PCDH15: variants seen among roughly 807,000 people sequenced by gnomAD.
PCDH15 encodes protocadherin related 15.
A neutral mutation model predicts 178.5 loss-of-function variants in PCDH15; 129 were observed. The ratio of observed to expected loss-of-function variants is 0.72; its 90% CI spans 0.63 to 0.84. The LOEUF (loss-of-function observed/expected upper bound fraction) is 0.84, where lower values mean the gene tolerates loss of function less well. Ranked by LOEUF, PCDH15 falls within the 40% of genes least tolerant of loss-of-function variation. The probability of loss-of-function intolerance (pLI) is 0.00; values close to 1 mark genes in which losing one functional copy is unlikely to be tolerated. For synonymous variants in PCDH15, 800 were observed against 732.0 expected, an observed-to-expected ratio of 1.09 and a Z score of -1.50; for missense variants, 2,230 against 2,099.9, an observed-to-expected ratio of 1.06 and a Z score of -1.21.
intron 2 of PCDH15, among the ~76,000 whole-genome samples, chr10:54,905,588 G>T (rs191322207): frequency 1.4e-4 from 21 of 152,220 alleles, no homozygotes; most frequent in African/African-American, 5.1e-4. Flanking sequence ...AACAAGATAA[G>T]AAATGCCAGT....
chr10:54,130,584 CT>C (rs1287449981), intron 15 of PCDH15, among the ~76,000 whole-genome samples: 1 of 151,994 alleles, frequency 6.6e-6, no homozygotes, highest in Non-Finnish European at 1.5e-5. Flanking sequence ...TCTCAAACAA[CT>C]TTTGGATACC....
intron 3 of PCDH15, among the ~76,000 whole-genome samples, chr10:54,519,318 G>C (rs1226169777): frequency 1.3e-5 from 2 of 152,096 alleles, no homozygotes; most frequent in Non-Finnish European, 2.9e-5. Flanking sequence ...AAACCCCATT[G>C]TCTCAGCCCA....
intron 26 of PCDH15, among the ~76,000 whole-genome samples, chr10:53,871,798 G>C (rs2079883179): frequency 6.6e-6 from 1 of 151,728 alleles, no homozygotes; most frequent in Non-Finnish European, 1.5e-5. Context: ...TTGTTGCCCA[G>C]GCTGGAGTGC....
intron 26 of PCDH15, among the ~76,000 whole-genome samples, chr10:53,869,778 T>TG (rs2079703305): frequency 6.6e-6 from 1 of 151,444 alleles, no homozygotes; most frequent in African/African-American, 2.4e-5. Context: ...TCTTATCTCT[T>TG]GAAAAAAAAA....
intron 2 of PCDH15, among the ~76,000 whole-genome samples, chr10:54,609,797 T>G (rs2092901473): frequency 6.6e-6 from 1 of 152,002 alleles, no homozygotes; most frequent in Non-Finnish European, 1.5e-5. Flanking sequence ...ACACTAAATA[T>G]CTATAGAAAG....
chr10:54,168,138 C>A (rs2046460142), intron 13 of PCDH15, among the ~76,000 whole-genome samples: 2 of 151,930 alleles, frequency 1.3e-5, no homozygotes, highest in Admixed American at 1.3e-4. Flanking sequence ...GCCGCTTGAC[C>A]CCAATACAAA....
intron 3 of PCDH15, among the ~76,000 whole-genome samples, chr10:54,840,677 C>T (rs1356111357): frequency 6.6e-6 from 1 of 151,608 alleles, no homozygotes; most frequent in Non-Finnish European, 1.5e-5. Flanking sequence ...CAATATGATA[C>T]ATACAACAGA....
At chr10:54,600,095 A>T (rs1182452949) in intron 2 of PCDH15, 26 of 1,022,732 alleles carry the variant, frequency 2.5e-5, no homozygotes, top group Non-Finnish European at 3.6e-5. Context: ...TAGAAGGTAG[A>T]GAAAAAGGAA....
chr10:54,479,766 G>T (rs550615944), intron 3 of PCDH15, among the ~76,000 whole-genome samples: 1 of 151,994 alleles, frequency 6.6e-6, no homozygotes, highest in East Asian at 1.9e-4. Flanking sequence ...AGAAAAAAAT[G>T]AGGGATTTGA....
chr10:55,172,458 A>T (rs1839361743), intron 1 of PCDH15, among the ~76,000 whole-genome samples: 1 of 123,138 alleles, frequency 8.1e-6, no homozygotes, highest in Non-Finnish European at 1.8e-5. Context: ...AACTAAAGTG[A>T]TTAATAAATG....
At position 54,374,295 on chromosome 10, in the gene PCDH15, C is replaced by A. The variant is rs577371659; in HGVS notation, c.318+4487G>T. 2.0e-5 allele frequency among the ~76,000 whole-genome samples: 3 copies of A among 152,154 alleles called. No homozygotes were observed. In the South Asian group the frequency reaches 6.2e-4, roughly 32 times the overall value. ...GGGCAGGGGAGTCAAGCCCCTTTTG[C>A]AGCTACCAAGTTAGAGTCTGAAAGA... On this transcript the variant is annotated intron_variant, in intron 4 of 37. Coordinates refer to ENST00000644397, the MANE Select transcript of PCDH15 (RefSeq NM_001384140.1).
intron 5 of PCDH15, among the ~76,000 whole-genome samples, chr10:54,355,763 TG>T (rs1403545217): frequency 1.3e-5 from 2 of 152,060 alleles, no homozygotes; most frequent in Admixed American, 6.6e-5. Flanking sequence ...AGAAAAAAAT[TG>T]GTTCTCAGCA....
At chr10:54,327,702 G>A (rs1938463351) in intron 7 of PCDH15, among the ~76,000 whole-genome samples, 2 of 151,822 alleles carry the variant, frequency 1.3e-5, no homozygotes, top group South Asian at 4.1e-4. Context: ...ACAGCTAATT[G>A]AGGTTATTTT....
At chr10:53,826,721 A>AT (rs1182740579) in intron 32 of PCDH15, among the ~76,000 whole-genome samples, 4 of 152,224 alleles carry the variant, frequency 2.6e-5, no homozygotes, top group African/African-American at 9.6e-5. Flanking sequence ...AAAATGTATG[A>AT]TTTTTTAAAT....
intron 8 of PCDH15, among the ~76,000 whole-genome samples, chr10:54,266,164 TAC>T (rs1005541631): frequency 7.3e-5 from 9 of 123,294 alleles, no homozygotes; most frequent in Non-Finnish European, 1.6e-4. Flanking sequence ...CACACACACA[TAC>T]ACACACACAC....
chr10:55,325,032 A>G (rs1291545450), intron 2 of PCDH15, among the ~76,000 whole-genome samples: 1 of 152,114 alleles, frequency 6.6e-6, no homozygotes, highest in Non-Finnish European at 1.5e-5. Flanking sequence ...AGAAATCTCT[A>G]CAACAAGAAT....
chr10:54,101,411 T>C (rs2094809884), intron 15 of PCDH15, among the ~76,000 whole-genome samples: 1 of 152,126 alleles, frequency 6.6e-6, no homozygotes, highest in African/African-American at 2.4e-5. Flanking sequence ...AACCTGGCCA[T>C]CAACACTTTG....
intron 14 of PCDH15, among the ~76,000 whole-genome samples, chr10:54,148,127 G>A (rs1308112389): frequency 1.3e-5 from 2 of 152,116 alleles, no homozygotes; most frequent in Middle Eastern, 3.4e-3. Flanking sequence ...GAATAACCTA[G>A]CACAGATGAA....
At chr10:54,664,341 TATAGGTAAACACA>T in intron 1 of PCDH15, 51 bp from the exon 2 acceptor site, 1 of 1,149,436 alleles carries the variant, frequency 8.7e-7, no homozygotes, top group Non-Finnish European at 1.3e-6. Context: ...ATTAATCTGT[TATAGGTAAACACA>T]ATTGTCACAG....
Sources: gnomAD v4.1 joint callset for allele counts (sites outside exome capture counted in the v4.1 genomes callset) on GRCh38, gnomAD v4.1.1 for gene constraint, MANE v1.5 for transcripts, NCBI Gene and HGNC (gene_info 2026-07-23, HGNC 2026-07-21) for gene names.